SH3BP2: variants seen among roughly 807,000 people sequenced by gnomAD.
SH3BP2 encodes the protein SH3 domain binding protein 2.
SH3BP2 carries 38 observed loss-of-function variants against 56.2 expected under a neutral mutation model. The observed-to-expected ratio is 0.68, with a 90% CI of 0.52 to 0.89. The LOEUF (loss-of-function observed/expected upper bound fraction) is 0.89. Ranked by LOEUF, SH3BP2 falls within the 40% of genes least tolerant of loss-of-function variation. The pLI, the probability that SH3BP2 is intolerant of heterozygous loss-of-function variation, is 0.00. For missense variants in SH3BP2, 748 were observed against 762.6 expected, an observed-to-expected ratio of 0.98 and a Z score of 0.23; for synonymous variants, 346 against 316.7, an observed-to-expected ratio of 1.09 and a Z score of -0.98.
rs201983777 is a variant in SH3BP2, at chr4:2,833,772, G to A, written c.1624G>A (p.Val542Met). The change falls in exon 13 of 13, where the codon GTG becomes ATG. Residue 542 changes from valine (V) to methionine (M), a missense_variant. Val to Met is a conservative substitution (Grantham distance 21). Around this residue, in one of 3 missense-constraint regions of SH3BP2, gnomAD observed 635 missense variants for 615.0 expected, o/e 1.03. Coordinates refer to ENST00000503393, the MANE Select transcript of SH3BP2 (RefSeq NM_001122681.2). ...CATGGTGGAGCACTACCACACCCAC[G>A]TGCTGCCCAGCCACCAGAGCCTGCT... Reference protein sequence around the residue: ...GSMVEHYHTHVLPSHQSLLLR... With the variant: ...GSMVEHYHTHMLPSHQSLLLR... 1.5e-4 allele frequency: 240 copies of A among 1,599,678 alleles called. 1 individual carries two copies. The East Asian group carries it at 4.5e-3, about 30-fold the overall frequency.
chr4:2,809,321 C>CT (rs1723651874), intron 1 of SH3BP2, among the ~76,000 whole-genome samples: 2 of 150,810 alleles, frequency 1.3e-5, no homozygotes, highest in African/African-American at 4.9e-5. Flanking sequence ...TCCCTCCCTC[C>CT]CTGGGCTCAT....
intron 1 of SH3BP2, among the ~76,000 whole-genome samples, chr4:2,811,524 G>A (rs764732942): frequency 1.3e-5 from 2 of 152,228 alleles, no homozygotes; most frequent in African/African-American, 2.4e-5. Flanking sequence ...CCCTGCTTCC[G>A]GGCTCTGGGC....
intron 1 of SH3BP2, among the ~76,000 whole-genome samples, chr4:2,800,815 C>A (rs996390080): frequency 6.6e-6 from 1 of 152,134 alleles, no homozygotes; most frequent in African/African-American, 2.4e-5. Flanking sequence ...TGGCCGGGGG[C>A]AGAAGGCCAG....
intron 1 of SH3BP2, among the ~76,000 whole-genome samples, chr4:2,813,687 T>C (rs1160554423): frequency 6.6e-6 from 1 of 152,052 alleles, no homozygotes; most frequent in Non-Finnish European, 1.5e-5. Context: ...TGTGAATGAG[T>C]GCTTGCATAT....
chr4:2,822,918 C>A lies in SH3BP2; in HGVS notation c.137-17C>A. 1 of 1,608,392 alleles carries A rather than the reference C, an allele frequency of 6.2e-7. No individual in the cohort carries two copies. Among genetic ancestry groups the A allele is most frequent in the Non-Finnish European group, 8.5e-7 (1 of 1,175,548 alleles). ...GCCCCTCCAGGCTCACCTTCCTGCC[C>A]TTGCCACCTCCCACAGGGCCCCTGC... On this transcript the variant is annotated splice_polypyrimidine_tract_variant and intron_variant, in intron 2 of 12. Coordinates refer to ENST00000503393, the MANE Select transcript of SH3BP2 (RefSeq NM_001122681.2).
In SH3BP2 at chr4:2,806,808, C is replaced by T. The variant is rs937323238; in HGVS notation, c.-5+13670C>T. 2.0e-4 allele frequency among the ~76,000 whole-genome samples: 30 copies of T among 152,334 alleles called. No individual in the cohort carries two copies. In the East Asian group the frequency reaches 5.0e-3, roughly 26 times the overall value. ...GAACCTTTCCTGGGGACAGAGACAC[C>T]AGGCCTGAGAGAGGAAGGCCCAGTG... On this transcript the variant is annotated intron_variant, in intron 1 of 12. Coordinates refer to ENST00000503393, the MANE Select transcript of SH3BP2 (RefSeq NM_001122681.2).
At chr4:2,832,003 T>C (rs1326194109) in intron 10 of SH3BP2, 25 bp downstream of exon 10, 2 of 1,611,490 alleles carry the variant, frequency 1.2e-6, no homozygotes, top group African/African-American at 2.7e-5. Flanking sequence ...CTGTGTGTGC[T>C]GGGTCCTCCG....
chr4:2,831,095 C>T lies in SH3BP2; in HGVS notation c.1242-476C>T, dbSNP rs746246090. The stretch of plus-strand genomic sequence containing the variant: ...CCCATGCTGGCGTGGCCCGTTAATC[C>T]TCCCTAGAGCCTTTGAGGCTTTGCT... On this transcript the variant is annotated intron_variant, in intron 8 of 12. Transcript: ENST00000503393. This position sits in a 1 kb window ranked among gnomAD's most constrained non-coding sequence, Gnocchi z 4.1. Among the ~76,000 whole-genome samples the T allele has an allele frequency of 2.6e-5, 4 of 152,240 alleles. No homozygotes were observed. The highest frequency in any genetic ancestry group is 4.4e-5 in the Non-Finnish European group (3 of 68,040).
intron 1 of SH3BP2, among the ~76,000 whole-genome samples, chr4:2,802,668 T>A (rs149739216): frequency 7.8e-4 from 119 of 151,718 alleles, no homozygotes; most frequent in Non-Finnish European, 3.5e-4. Context: ...TGTGTGTGTG[T>A]GTGTGTATAT....
chr4:2,811,218 G>A (rs1478793323), intron 1 of SH3BP2, among the ~76,000 whole-genome samples: 2 of 152,240 alleles, frequency 1.3e-5, no homozygotes, highest in African/African-American at 2.4e-5. Flanking sequence ...CGACACCTAG[G>A]CTATGGGACA....
In SH3BP2 at chr4:2,838,877, T is replaced by G. The variant is rs576401949; in HGVS notation, c.*5043T>G. ...ATGGTGCACAAATTTTTCTAGGGTT[T>G]GTACTCAGGAGTCTGACTCCTGGGT... On this transcript the variant is annotated 3_prime_UTR_variant, in exon 13 of 13. Coordinates refer to ENST00000503393, the MANE Select transcript of SH3BP2 (RefSeq NM_001122681.2). 1 of 152,326 alleles carries G rather than the reference T, an allele frequency of 6.6e-6. No individual in the cohort carries two copies. The highest frequency in any genetic ancestry group is 6.5e-5 in the Admixed American group (1 of 15,294). 9.4% of individuals were successfully genotyped at this position (152,326 alleles called of 1,614,324 possible).
In SH3BP2 at chr4:2,829,361, G is replaced by T; in HGVS notation, c.587-132G>T. The T allele has an allele frequency of 1.1e-6, 1 of 890,042 alleles. No individual in the cohort carries two copies. The highest frequency in any genetic ancestry group is 1.8e-6 in the Non-Finnish European group (1 of 550,272). 55.1% of individuals were successfully genotyped at this position (890,042 alleles called of 1,614,324 possible). A position where few individuals can be genotyped will look rare whatever the true frequency, so the allele number is the denominator to read the frequency against. On this transcript the variant is annotated intron_variant, in intron 7 of 12. Transcript: ENST00000503393. The surrounding 1 kb of genome is among the most constrained non-coding windows in gnomAD (Gnocchi z 4.9). The stretch of plus-strand genomic sequence containing the variant: ...GGATGGGAGTGCTGGGTGCTGGGCT[G>T]CTGGGTGGGCAGGCTGTGGGGTGGG...
At chr4:2,812,396 G>A (rs892158167) in intron 1 of SH3BP2, 51 of 1,550,202 alleles carry the variant, frequency 3.3e-5, no homozygotes, top group African/African-American at 2.2e-4. Flanking sequence ...CCCCTGAGCC[G>A]CATGGCCTCC....
At chr4:2,799,332 G>T in intron 1 of SH3BP2, 3 of 983,668 alleles carry the variant, frequency 3.0e-6, no homozygotes, top group Non-Finnish European at 3.6e-6. Flanking sequence ...GGTGTGTAAA[G>T]TGGAGGGAGG....
chr4:2,836,409 G>A lies in SH3BP2; in HGVS notation c.*2575G>A, dbSNP rs1273401993. ...ACCATTTACTGACCACATCTGTGAG[G>A]TGCCGAGCTGGGTGCTTGACATCAT... On this transcript the variant is annotated 3_prime_UTR_variant, in exon 13 of 13. Transcript: ENST00000503393. 6.6e-6 allele frequency: 1 copy of A among 152,228 alleles called. No individual in the cohort carries two copies. Among genetic ancestry groups the A allele is most frequent in the East Asian group, 1.9e-4 (1 of 5,190 alleles). The allele number at this position is 152,228 out of a possible 1,614,324, so 9.4% of individuals were successfully genotyped here.
At position 2,829,987 on chromosome 4, in the gene SH3BP2, A is replaced by G. The variant is rs758738685; in HGVS notation, c.1081A>G (p.Lys361Glu). The change falls in exon 8 of 13, where the codon AAG (lysine) becomes GAG (glutamate). Residue 361 changes from lysine (K) to glutamate (E), a missense_variant. Physicochemically the swap from Lys to Glu is moderately conservative, Grantham distance 56. Transcript: ENST00000503393. This position sits in a 1 kb window ranked among gnomAD's most constrained non-coding sequence, Gnocchi z 4.9. ...GCCAGCCAACAAGCCCAAGTTCCTG[A>G]AGATAGCTGAAGAGGACCCCCCAAG... ...PVPANKPKFL[K>E]IAEEDPPREA... 1 of 1,613,146 alleles carries G rather than the reference A, an allele frequency of 6.2e-7. No homozygotes were observed. The highest frequency in any genetic ancestry group is 1.1e-5 in the South Asian group (1 of 91,078).
chr4:2,835,928 T>C lies in SH3BP2; in HGVS notation c.*2094T>C. On this transcript the variant is annotated 3_prime_UTR_variant, in exon 13 of 13. Transcript: ENST00000503393. Reference sequence around the variant, plus strand: ...GGCATGAGCCACTGTGCCTGGCCCCTTCCTGTAAAATTTTTAAATGGAGAA... The same window carrying C: ...GGCATGAGCCACTGTGCCTGGCCCCCTCCTGTAAAATTTTTAAATGGAGAA... The C allele has an allele frequency of 6.5e-6, 1 of 152,790 alleles. No homozygotes were observed. Among genetic ancestry groups the C allele is most frequent in the Non-Finnish European group, 1.5e-5 (1 of 68,452 alleles). The allele number at this position is 152,790 out of a possible 1,614,324, so 9.5% of individuals were successfully genotyped here.
At chr4:2,796,389 A>G in intron 1 of SH3BP2, 3 of 985,156 alleles carry the variant, frequency 3.0e-6, no homozygotes, top group Non-Finnish European at 3.6e-6. Context: ...GTAACTTCCA[A>G]GGCCATGAGA....
intron 11 of SH3BP2, among the ~76,000 whole-genome samples, 187 bp from the exon 12 acceptor site, chr4:2,832,803 G>A (rs928169052): frequency 3.9e-5 from 6 of 152,206 alleles, no homozygotes; most frequent in Non-Finnish European, 2.9e-5. Flanking sequence ...CTCATCAGAG[G>A]CTCTCTGAGG....
Sources: gnomAD v4.1 joint callset for allele counts (sites outside exome capture counted in the v4.1 genomes callset) on GRCh38, gnomAD v4.1.1 for gene constraint, gnomAD v4.1.1 regional missense constraint, Gnocchi (gnomAD v3.1) non-coding constraint, MANE v1.5 for transcripts, NCBI Gene and HGNC (gene_info 2026-07-23, HGNC 2026-07-21) for gene names.